CTNNA2: variants seen among roughly 807,000 people sequenced by gnomAD.
The protein encoded by CTNNA2 is catenin alpha 2.
Under a neutral mutation model 101.0 loss-of-function variants are expected in CTNNA2, and 42 were observed. The observed-to-expected ratio is 0.42, with a 90% CI of 0.32 to 0.54. CTNNA2 has a LOEUF of 0.54. CTNNA2 is among the 20% of genes least tolerant of loss of function. The probability of loss-of-function intolerance (pLI) is 0.14; values close to 1 mark genes in which losing one functional copy is unlikely to be tolerated. For missense variants in CTNNA2, 871 were observed against 1,223.1 expected (o/e 0.71, Z 4.29); for synonymous variants, 450 against 456.4 (o/e 0.99, Z 0.18).
chr2:79,881,538 G>A (rs1196981373), intron 6 of CTNNA2, among the ~76,000 whole-genome samples: 2 of 152,048 alleles, frequency 1.3e-5, no homozygotes, highest in African/African-American at 4.8e-5. Flanking sequence ...AGCTTTTCTT[G>A]TTGAATTGTA....
rs149919682 is a variant in CTNNA2 at position 79,237,068 on chromosome 2, C to T, written c.-406+38992C>T. Among the ~76,000 whole-genome samples, 6 of 152,248 alleles carry T rather than the reference C, an allele frequency of 3.9e-5. No homozygotes were observed. The East Asian group carries it at 1.2e-3, about 29-fold the overall frequency. ...ACTTTCAATTTAGTTTGCCTAGATC[C>T]ATCAGAGAAATCACTATCTATGGCA... is the stretch of plus-strand genomic sequence containing the variant. On this transcript the variant is annotated intron_variant, in intron 2 of 21. Transcript: ENST00000466387.
Position 80,448,072 on chromosome 2 carries a change from A to G in CTNNA2, c.1290+28471A>G, listed in dbSNP as rs561344678. 7.2e-5 allele frequency among the ~76,000 whole-genome samples: 11 copies of G among 152,326 alleles called. 1 individual carries two copies. The South Asian group carries it at 1.5e-3, about 20-fold the overall frequency. ...TGCACTTAGTTCTGGAAGGAGTCCAATTACAACAAAGTAACTGGTATCAGA... is the reference window on the plus strand; with the variant it reads ...TGCACTTAGTTCTGGAAGGAGTCCAGTTACAACAAAGTAACTGGTATCAGA... On this transcript the variant is annotated intron_variant, in intron 9 of 18. Coordinates refer to ENST00000402739, the MANE Select transcript of CTNNA2 (RefSeq NM_001282597.3).
intron 7 of CTNNA2, among the ~76,000 whole-genome samples, chr2:80,156,957 G>A (rs1704027554): frequency 6.6e-6 from 1 of 152,126 alleles, no homozygotes; most frequent in African/African-American, 2.4e-5. Context: ...TCAAAAGAAG[G>A]GAGAAGGAGA....
chr2:80,596,335 A>G (rs1474741393), intron 15 of CTNNA2, among the ~76,000 whole-genome samples: 2 of 64,600 alleles, frequency 3.1e-5, no homozygotes, highest in African/African-American at 1.1e-4. Context: ...TTTGAGACGG[A>G]GTCTCGCTCT....
At chr2:80,578,695 C>G (rs754733823) in intron 13 of CTNNA2, among the ~76,000 whole-genome samples, 7 of 152,098 alleles carry the variant, frequency 4.6e-5, no homozygotes, top group Non-Finnish European at 1.0e-4. Flanking sequence ...ATCATGGGCT[C>G]TGAAACCGTC....
chr2:79,389,613 A>T (rs758734326), intron 4 of CTNNA2, among the ~76,000 whole-genome samples: 1 of 152,228 alleles, frequency 6.6e-6, no homozygotes, highest in Non-Finnish European at 1.5e-5. Context: ...TATTCTCCCA[A>T]AGTCATATGA....
chr2:79,845,566 C>T (rs1680170388), intron 3 of CTNNA2, among the ~76,000 whole-genome samples: 1 of 152,062 alleles, frequency 6.6e-6, no homozygotes, highest in East Asian at 1.9e-4. Context: ...TTTTCCCTTT[C>T]AAGGTTGATG....
rs557775170 is a variant in CTNNA2 at position 80,335,910 on chromosome 2, C to T, written c.1057-57301C>T. Among the ~76,000 whole-genome samples, 4 of 152,294 alleles carry T rather than the reference C, an allele frequency of 2.6e-5. No individual in the cohort carries two copies. The East Asian group carries it at 7.7e-4, about 29-fold the overall frequency. ...ACCCAGAAAAGTTAAGAGTTGACCA[C>T]ATTGTACAGCTTGTTCATGCCACAC... On this transcript the variant is annotated intron_variant, in intron 7 of 18. Coordinates refer to ENST00000402739, the MANE Select transcript of CTNNA2 (RefSeq NM_001282597.3).
chr2:79,903,780 A>G (rs1301522919), intron 6 of CTNNA2, among the ~76,000 whole-genome samples: 1 of 152,198 alleles, frequency 6.6e-6, no homozygotes, highest in Non-Finnish European at 1.5e-5. Flanking sequence ...AGCCCGGATC[A>G]GGAGCTGAAG....
chr2:79,488,736 C>T (rs1022395593), intron 4 of CTNNA2, among the ~76,000 whole-genome samples: 2 of 152,146 alleles, frequency 1.3e-5, no homozygotes, highest in African/African-American at 2.4e-5. Flanking sequence ...TTTAATCCTG[C>T]ACAAATTCTA....
intron 7 of CTNNA2, among the ~76,000 whole-genome samples, chr2:80,204,212 C>T (rs1707385850): frequency 1.3e-5 from 2 of 152,264 alleles, no homozygotes; most frequent in African/African-American, 4.8e-5. Context: ...TAGTGATTAA[C>T]ATTTGGCTCC....
intron 3 of CTNNA2, among the ~76,000 whole-genome samples, chr2:79,818,264 T>C (rs2105367714): frequency 6.6e-6 from 1 of 152,266 alleles, no homozygotes; most frequent in East Asian, 1.9e-4. Flanking sequence ...ATATTATAAT[T>C]AGCATATTTG....
intron 7 of CTNNA2, among the ~76,000 whole-genome samples, chr2:80,066,563 T>C (rs1697998001): frequency 6.6e-6 from 1 of 152,174 alleles, no homozygotes; most frequent in South Asian, 2.1e-4. Flanking sequence ...CTTTTTAGAA[T>C]GGCTGTTAAT....
intron 3 of CTNNA2, among the ~76,000 whole-genome samples, chr2:79,352,205 G>T (rs570473372): frequency 6.6e-6 from 1 of 151,814 alleles, no homozygotes; most frequent in African/African-American, 2.4e-5. Context: ...TTTGTTGACT[G>T]CTTGTATAAT....
chr2:80,386,165 C>A (rs985506), intron 7 of CTNNA2, among the ~76,000 whole-genome samples: 1 of 152,164 alleles, frequency 6.6e-6, no homozygotes, highest in African/African-American at 2.4e-5. Context: ...TGGATGCAGC[C>A]TGGCAGAGAA....
intron 7 of CTNNA2, among the ~76,000 whole-genome samples, chr2:79,965,489 T>C (rs981761857): frequency 6.6e-6 from 1 of 152,138 alleles, no homozygotes; most frequent in African/African-American, 2.4e-5. Flanking sequence ...CTTCACACTA[T>C]TGGAAGAATC....
intron 7 of CTNNA2, among the ~76,000 whole-genome samples, chr2:80,033,269 A>G (rs2104209842): frequency 6.6e-6 from 1 of 152,274 alleles, no homozygotes; most frequent in East Asian, 1.9e-4. Flanking sequence ...GGTGTCAGTT[A>G]AAATACCACC....
intron 11 of CTNNA2, among the ~76,000 whole-genome samples, chr2:80,552,008 G>T (rs1366311971): frequency 6.6e-6 from 1 of 151,908 alleles, no homozygotes; most frequent in Non-Finnish European, 1.5e-5. Flanking sequence ...TTTTAATATT[G>T]TTGCGTCTCA....
chr2:80,626,836 A>G (rs12622123), intron 18 of CTNNA2, among the ~76,000 whole-genome samples: 55,472 of 151,742 alleles, frequency 0.37, 10,785 homozygotes, highest in East Asian at 0.45. Flanking sequence ...TCTACTTTAG[A>G]TATTTCTCCT....
Sources: allele counts gnomAD v4.1 joint callset (sites outside exome capture counted in the v4.1 genomes callset), GRCh38; gene constraint gnomAD v4.1.1; transcripts MANE v1.5; gene names NCBI Gene and HGNC (gene_info 2026-07-23, HGNC 2026-07-21).